The following NTM variants were observed in gnomAD, a reference collection of about 807,000 sequenced individuals.
NTM encodes the protein IgLON family member 2.
In NTM, 13 loss-of-function variants were observed where a neutral mutation model predicts 42.1. That is an observed-to-expected ratio of 0.31 (90% confidence interval 0.20 to 0.49). NTM has a LOEUF of 0.49. Ranked by LOEUF, NTM falls within the 20% of genes least tolerant of loss-of-function variation. The pLI, the probability that NTM is intolerant of heterozygous loss-of-function variation, is 0.99. For missense variants in NTM, 373 were observed against 452.8 expected (o/e 0.82, Z 1.60); for synonymous variants, 187 against 179.2 (o/e 1.04, Z -0.35).
intron 4 of NTM, among the ~76,000 whole-genome samples, chr11:132,234,358 A>G (rs565861245): frequency 2.6e-5 from 4 of 152,166 alleles, no homozygotes; most frequent in Non-Finnish European, 4.4e-5. Flanking sequence ...AGCACCTTCA[A>G]CCAAAACATA....
At chr11:131,581,340 G>C (rs576607986) in intron 1 of NTM, among the ~76,000 whole-genome samples, 2 of 152,314 alleles carry the variant, frequency 1.3e-5, no homozygotes, top group East Asian at 3.9e-4. Context: ...ACTGAAGATT[G>C]AGCGGTAACA....
intron 3 of NTM, among the ~76,000 whole-genome samples, chr11:132,209,891 G>A (rs2082569895): frequency 6.6e-6 from 1 of 152,186 alleles, no homozygotes; most frequent in African/African-American, 2.4e-5. Flanking sequence ...ATTTCAATTG[G>A]GTGGATGCAG....
rs535811719 is a variant in NTM, at chr11:131,689,099, C to T, written c.83-222465C>T. ...TGTTAAGGAAAATCCCCGCAGCCCC[C>T]GAGGAAGGAAGGAACACTCTCCAAG... is the stretch of plus-strand genomic sequence containing the variant. On this transcript the variant is annotated intron_variant, in intron 1 of 8. Transcript: ENST00000683400. 6.2e-4 allele frequency among the ~76,000 whole-genome samples: 94 copies of T among 152,366 alleles called. 1 individual carries two copies. Among genetic ancestry groups the T allele is most frequent in the African/African-American group, 2.2e-3 (91 of 41,580 alleles).
At chr11:132,072,354 T>C (rs2057794183) in intron 2 of NTM, among the ~76,000 whole-genome samples, 1 of 152,138 alleles carries the variant, frequency 6.6e-6, no homozygotes, top group South Asian at 2.1e-4. Flanking sequence ...GGGGTAGGGG[T>C]AGATACCAGA....
chr11:131,988,053 C>A (rs1296899074), intron 2 of NTM, among the ~76,000 whole-genome samples: 1 of 152,192 alleles, frequency 6.6e-6, no homozygotes, highest in East Asian at 1.9e-4. Flanking sequence ...AATATCAAGG[C>A]ACCATCCGAT....
intron 3 of NTM, among the ~76,000 whole-genome samples, chr11:132,187,491 A>T (rs574323227): frequency 4.6e-5 from 7 of 152,280 alleles, no homozygotes; most frequent in Admixed American, 1.3e-4. Context: ...ATAGCCCCAG[A>T]TTAATGCATT....
At chr11:132,014,383 G>A (rs1305348595) in intron 2 of NTM, among the ~76,000 whole-genome samples, 2 of 151,946 alleles carry the variant, frequency 1.3e-5, no homozygotes, top group African/African-American at 4.8e-5. Flanking sequence ...TGATAAACTG[G>A]CTTTTTCTCC....
intron 1 of NTM, among the ~76,000 whole-genome samples, chr11:131,836,946 T>G (rs1390149270): frequency 6.6e-6 from 1 of 152,248 alleles, no homozygotes; most frequent in Admixed American, 6.5e-5. Context: ...GTAATAAAGC[T>G]GTCACTCCTG....
intron 1 of NTM, among the ~76,000 whole-genome samples, chr11:131,569,743 AC>A (rs1356235684): frequency 1.3e-5 from 2 of 152,214 alleles, no homozygotes; most frequent in East Asian, 1.9e-4. Flanking sequence ...TGCCTGGCTA[AC>A]TTTTAAAAAG....
chr11:131,813,021 C>G (rs527551680), intron 1 of NTM, among the ~76,000 whole-genome samples: 119 of 152,306 alleles, frequency 7.8e-4, no homozygotes, highest in African/African-American at 2.6e-3. Flanking sequence ...TTTGCCCTAT[C>G]TATGGCTTTG....
At chr11:131,634,793 T>C in intron 1 of NTM, among the ~76,000 whole-genome samples, 1 of 152,188 alleles carries the variant, frequency 6.6e-6, no homozygotes, top group East Asian at 1.9e-4. Flanking sequence ...TTTAATAATA[T>C]AATTTAATTT....
intron 1 of NTM, among the ~76,000 whole-genome samples, chr11:131,693,476 G>T (rs999785280): frequency 6.6e-6 from 1 of 152,164 alleles, no homozygotes; most frequent in Non-Finnish European, 1.5e-5. Flanking sequence ...GTTAAGGAAT[G>T]GGGGGCATGG....
intron 1 of NTM, among the ~76,000 whole-genome samples, chr11:131,689,032 A>G (rs1484849166): frequency 1.3e-5 from 2 of 152,220 alleles, no homozygotes; most frequent in Non-Finnish European, 2.9e-5. Context: ...TTACACGTGC[A>G]TGCCTTCAGT....
chr11:131,383,156 A>G (rs1363245607), intron 1 of NTM, among the ~76,000 whole-genome samples: 1 of 152,240 alleles, frequency 6.6e-6, no homozygotes, highest in African/African-American at 2.4e-5. Flanking sequence ...TGATACAGAC[A>G]TGACATCTCC....
chr11:131,949,424 C>T (rs1162855969), intron 2 of NTM, among the ~76,000 whole-genome samples: 1 of 152,212 alleles, frequency 6.6e-6, no homozygotes, highest in African/African-American at 2.4e-5. Flanking sequence ...GATCCTGTGT[C>T]TTCAGAATCT....
At chr11:131,575,475 A>G (rs1235587504) in intron 1 of NTM, among the ~76,000 whole-genome samples, 1 of 152,100 alleles carries the variant, frequency 6.6e-6, no homozygotes, top group Non-Finnish European at 1.5e-5. Flanking sequence ...GCTCTTTCCA[A>G]TAGGACATCT....
chr11:132,067,670 A>T (rs1038963270), intron 2 of NTM, among the ~76,000 whole-genome samples: 2 of 152,232 alleles, frequency 1.3e-5, no homozygotes, highest in African/African-American at 2.4e-5. Context: ...GGCAAATTCC[A>T]TTACATGCAA....
Position 131,802,702 on chromosome 11 carries a change from T to G in NTM, c.83-108862T>G, listed in dbSNP as rs147037831. 2.2e-3 allele frequency among the ~76,000 whole-genome samples: 341 copies of G among 152,308 alleles called. 4 individuals carry two copies. Among genetic ancestry groups the G allele is most frequent in the African/African-American group, 7.2e-3 (298 of 41,558 alleles). ...GCAGAAAGCTGTGGCTCCTTTCTCG[T>G]GCAAACAGAGTGCTGCGCTAACCTT... On this transcript the variant is annotated intron_variant, in intron 1 of 8. Coordinates refer to ENST00000683400, the MANE Select transcript of NTM (RefSeq NM_001352005.2).
chr11:132,227,639 C>A (rs2086601796), intron 4 of NTM, among the ~76,000 whole-genome samples: 1 of 152,128 alleles, frequency 6.6e-6, no homozygotes, highest in African/African-American at 2.4e-5. Context: ...TTGGCCTCTG[C>A]TTTTTGAGCA....
Sources: gnomAD v4.1 joint callset for allele counts (sites outside exome capture counted in the v4.1 genomes callset) on GRCh38, gnomAD v4.1.1 for gene constraint, MANE v1.5 for transcripts, NCBI Gene and HGNC (gene_info 2026-07-23, HGNC 2026-07-21) for gene names.